Variants in SCYL2 observed in about 807,000 individuals in gnomAD.
SCYL2 encodes the protein SCY1 like pseudokinase 2.
Under a neutral mutation model 100.4 loss-of-function variants are expected in SCYL2, and 36 were observed. The observed-to-expected ratio is 0.36, with a 90% CI of 0.27 to 0.47. The LOEUF (loss-of-function observed/expected upper bound fraction) is 0.47. Among genes scored for constraint, SCYL2 ranks in the 20% least tolerant of loss-of-function variants. The pLI is 1.00. For missense variants in SCYL2, 902 were observed against 1,083.9 expected, an observed-to-expected ratio of 0.83 and a Z score of 2.36; for synonymous variants, 330 against 359.2, an observed-to-expected ratio of 0.92 and a Z score of 0.92.
chr12:100,332,038 G>A (rs1045235061), intron 13 of SCYL2, among the ~76,000 whole-genome samples: 1 of 152,106 alleles, frequency 6.6e-6, no homozygotes, highest in Non-Finnish European at 1.5e-5. Context: ...CTCTACTATG[G>A]TGAAAAGATA....
chr12:100,292,692 C>G (rs1480310091), intron 3 of SCYL2, among the ~76,000 whole-genome samples: 1 of 152,172 alleles, frequency 6.6e-6, no homozygotes. Flanking sequence ...TTACACAGAA[C>G]AGAGGATCAA....
At chr12:100,269,659 G>T (rs1000755773) in intron 1 of SCYL2, among the ~76,000 whole-genome samples, 2 of 152,154 alleles carry the variant, frequency 1.3e-5, no homozygotes, top group African/African-American at 4.8e-5. Context: ...GTTAGGGTGG[G>T]TAGTTAGTTG....
chr12:100,282,626 C>T (rs1020952223), intron 1 of SCYL2, among the ~76,000 whole-genome samples: 1 of 152,090 alleles, frequency 6.6e-6, no homozygotes, highest in Non-Finnish European at 1.5e-5. Flanking sequence ...TGCCCATCCC[C>T]CACTTTAAGT....
chr12:100,291,640 G>T lies in SCYL2; in HGVS notation c.315G>T (p.Gln105His). The T allele has an allele frequency of 6.3e-7, 1 of 1,589,588 alleles. No individual in the cohort carries two copies. Among genetic ancestry groups the T allele is most frequent in the Non-Finnish European group, 8.5e-7 (1 of 1,172,612 alleles). Residue 105 changes from glutamine (Q) to histidine (H), a missense_variant, in exon 3 of 18, where the codon CAG (glutamine) becomes CAT (histidine). By Grantham distance (24) the Gln-to-His change is conservative. Transcript: ENST00000360820. ...RLRHPRLLTV[Q>H]HPLEESRDCL... Reference sequence around the variant, plus strand: ...GACACCCTCGACTTCTTACTGTCCAGCATCCTTTAGAAGAATCCAGGTAAA... The same window carrying T: ...GACACCCTCGACTTCTTACTGTCCATCATCCTTTAGAAGAATCCAGGTAAA...
At chr12:100,284,608 G>A (rs1362271507) in intron 2 of SCYL2, among the ~76,000 whole-genome samples, 8 of 152,032 alleles carry the variant, frequency 5.3e-5, no homozygotes, top group South Asian at 4.2e-4. Flanking sequence ...GACTACAGGC[G>A]TGCACCACCA....
At chr12:100,313,874 C>T (rs1476596427) in intron 7 of SCYL2, among the ~76,000 whole-genome samples, 1 of 151,412 alleles carries the variant, frequency 6.6e-6, no homozygotes, top group Non-Finnish European at 1.5e-5. Flanking sequence ...ACTCATATAA[C>T]CATGGATTTT....
intron 4 of SCYL2, among the ~76,000 whole-genome samples, chr12:100,299,167 T>C (rs1418909317): frequency 6.6e-6 from 1 of 151,974 alleles, no homozygotes; most frequent in Non-Finnish European, 1.5e-5. Context: ...CTTGGGAGGT[T>C]GAGGATGCAG....
intron 3 of SCYL2, among the ~76,000 whole-genome samples, chr12:100,294,161 A>AC (rs1242808547): frequency 0.019 from 2,283 of 121,524 alleles, 64 homozygotes; most frequent in African/African-American, 0.069. Flanking sequence ...CGGGGGGCTG[A>AC]CTCCCCCACC....
chr12:100,302,763 T>C (rs2096329449), intron 4 of SCYL2, among the ~76,000 whole-genome samples: 1 of 152,190 alleles, frequency 6.6e-6, no homozygotes, highest in East Asian at 1.9e-4. Context: ...ATCTTTGTGG[T>C]GTTCTCTGTA....
At chr12:100,282,319 C>CTTTTTTTTTTTT in intron 1 of SCYL2, among the ~76,000 whole-genome samples, 1 of 85,608 alleles carries the variant, frequency 1.2e-5, no homozygotes, top group Non-Finnish European at 2.3e-5. Flanking sequence ...CACTTTTAGT[C>CTTTTTTTTTTTT]TTTTTTTTTT....
chr12:100,285,169 C>T (rs2135837899), intron 2 of SCYL2, among the ~76,000 whole-genome samples: 1 of 152,310 alleles, frequency 6.6e-6, no homozygotes, highest in East Asian at 1.9e-4. Flanking sequence ...AAAAAAAACA[C>T]TGCTAATACT....
intron 1 of SCYL2, among the ~76,000 whole-genome samples, chr12:100,273,964 G>T (rs558095408): frequency 1.3e-5 from 2 of 152,152 alleles, no homozygotes; most frequent in Non-Finnish European, 2.9e-5. Context: ...ATAGAATTTT[G>T]TATCCTTTCA....
At chr12:100,308,326 C>T (rs1444971613) in intron 4 of SCYL2, among the ~76,000 whole-genome samples, 4 of 152,090 alleles carry the variant, frequency 2.6e-5, no homozygotes, top group Non-Finnish European at 4.4e-5. Context: ...GATGAGTTCA[C>T]GTCCTTTGCA....
chr12:100,290,799 G>A (rs79347018), intron 2 of SCYL2, among the ~76,000 whole-genome samples: 149 of 152,248 alleles, frequency 9.8e-4, no homozygotes, highest in African/African-American at 3.5e-3. Flanking sequence ...TCACCTATCA[G>A]TAGAGCTGTT....
At position 100,282,155 on chromosome 12, in the gene SCYL2, G is replaced by A. The variant is rs545393693; in HGVS notation, c.-28-788G>A. Among the ~76,000 whole-genome samples the A allele has an allele frequency of 9.2e-5, 14 of 151,948 alleles. No homozygotes were observed. The South Asian group carries it at 2.9e-3, about 32-fold the overall frequency. ...TTCTTGTACCTTAGTCTCCCTAGTA[G>A]CTGGGATTGTGGGCACGCGCCACCA... On this transcript the variant is annotated intron_variant, in intron 1 of 17. Coordinates refer to ENST00000360820, the MANE Select transcript of SCYL2 (RefSeq NM_017988.6).
At position 100,267,177 on chromosome 12, in the gene SCYL2, A is replaced by C. The variant is rs1286785713; in HGVS notation, c.-644A>C. 6.8e-6 allele frequency: 9 copies of C among 1,320,706 alleles called. No individual in the cohort carries two copies. The highest frequency in any genetic ancestry group is 2.1e-5 in the Admixed American group (1 of 48,152). 81.8% of individuals were successfully genotyped at this position (1,320,706 alleles called of 1,614,324 possible). ...CATGCCCCCGGCCGGCAGGTCTTTT[A>C]GTCTTTTTCCCCCTCCCTTACTCTT... On this transcript the variant is annotated 5_prime_UTR_variant, in exon 1 of 18. Coordinates refer to ENST00000360820, the MANE Select transcript of SCYL2 (RefSeq NM_017988.6).
rs74748530 is a variant in SCYL2 at position 100,287,840 on chromosome 12, A to T, written c.178-3663A>T. On this transcript the variant is annotated intron_variant, in intron 2 of 17. Transcript: ENST00000360820. ...AAGTTAAAAAATATTTTAATTAAAGATGATAATAAAAAGCTTTAATTGCTT... is the reference window on the plus strand; with the variant it reads ...AAGTTAAAAAATATTTTAATTAAAGTTGATAATAAAAAGCTTTAATTGCTT... Among the ~76,000 whole-genome samples, 404 of 152,342 alleles carry T rather than the reference A, an allele frequency of 2.7e-3. 11 individuals are homozygous for T. In the East Asian group the frequency reaches 0.07, roughly 26 times the overall value.
At position 100,323,506 on chromosome 12, in the gene SCYL2, C is replaced by A; in HGVS notation, c.1396-19C>A. 2 of 1,340,336 alleles carry A rather than the reference C, an allele frequency of 1.5e-6. No individual in the cohort carries two copies. Among genetic ancestry groups the A allele is most frequent in the South Asian group, 1.2e-5 (1 of 81,084 alleles). The allele number at this position is 1,340,336 out of a possible 1,614,324, so 83.0% of individuals were successfully genotyped here. On this transcript the variant is annotated intron_variant, in intron 10 of 17. Transcript: ENST00000360820. ...GATGAGTCTTTCCCTAATATTGATT[C>A]AGTTTATTTTCTTTATAGGAGCTCT...
intron 17 of SCYL2, 109 bp downstream of exon 17, chr12:100,337,615 C>T: frequency 9.5e-7 from 1 of 1,052,672 alleles, no homozygotes; most frequent in Non-Finnish European, 1.4e-6. Flanking sequence ...TCAAATAATA[C>T]CTTAATATGT....
Sources: gnomAD v4.1 joint callset for allele counts (sites outside exome capture counted in the v4.1 genomes callset) on GRCh38, gnomAD v4.1.1 for gene constraint, MANE v1.5 for transcripts, NCBI Gene and HGNC (gene_info 2026-07-23, HGNC 2026-07-21) for gene names.